The following NRXN3 variants were observed in gnomAD, a reference collection of about 807,000 sequenced individuals.
NRXN3 encodes neurexin III.
A neutral mutation model predicts 137.6 loss-of-function variants in NRXN3; 32 were observed. The ratio of observed to expected loss-of-function variants is 0.23; its 90% CI spans 0.18 to 0.31. NRXN3 has a LOEUF of 0.31. NRXN3 is among the 10% of genes least tolerant of loss of function. NRXN3 has a pLI of 1.00. For missense variants in NRXN3, 1,574 were observed against 2,062.5 expected (o/e 0.76, Z 4.59); for synonymous variants, 798 against 784.5 (o/e 1.02, Z -0.29).
chr14:79,769,081 T>C (rs1462193665), intron 19 of NRXN3, among the ~76,000 whole-genome samples: 2 of 151,808 alleles, frequency 1.3e-5, no homozygotes, highest in Admixed American at 1.3e-4. Context: ...GAAAAAAGAA[T>C]AAAAGGAAAC....
intron 4 of NRXN3, among the ~76,000 whole-genome samples, chr14:78,317,069 A>G (rs2078791013): frequency 6.6e-6 from 1 of 152,194 alleles, no homozygotes; most frequent in East Asian, 1.9e-4. Context: ...TGCAAACTGG[A>G]GAGGAAGCCA....
chr14:78,979,736 G>T (rs1178427274), intron 14 of NRXN3, among the ~76,000 whole-genome samples: 1 of 152,148 alleles, frequency 6.6e-6, no homozygotes, highest in East Asian at 1.9e-4. Context: ...GGCTGGGCAG[G>T]CCTCACAATC....
intron 15 of NRXN3, among the ~76,000 whole-genome samples, chr14:79,086,890 C>T (rs1290328837): frequency 1.3e-5 from 2 of 152,138 alleles, no homozygotes; most frequent in African/African-American, 2.4e-5. Context: ...GCTTTTAAAA[C>T]ATTTGAATGG....
At chr14:78,671,572 A>T (rs2097935738) in intron 6 of NRXN3, among the ~76,000 whole-genome samples, 1 of 152,206 alleles carries the variant, frequency 6.6e-6, no homozygotes, top group African/African-American at 2.4e-5. Context: ...AAGTATAAAA[A>T]TAAGTAAATA....
At chr14:78,587,190 G>C (rs1047054249) in intron 4 of NRXN3, among the ~76,000 whole-genome samples, 5 of 152,122 alleles carry the variant, frequency 3.3e-5, no homozygotes, top group African/African-American at 1.2e-4. Context: ...TTGTTCTTTG[G>C]GAATGTCATA....
chr14:78,374,671 G>A (rs1418011148), intron 4 of NRXN3, among the ~76,000 whole-genome samples: 1 of 151,632 alleles, frequency 6.6e-6, no homozygotes, highest in Non-Finnish European at 1.5e-5. Context: ...TGGAGAGGCT[G>A]AGGCAGGAGA....
At chr14:78,661,278 T>C (rs371351464) in intron 6 of NRXN3, among the ~76,000 whole-genome samples, 2 of 152,328 alleles carry the variant, frequency 1.3e-5, no homozygotes, top group South Asian at 2.1e-4. Context: ...ATTCACATAC[T>C]CATTCAGTAG....
At chr14:78,277,301 C>G (rs987066617) in intron 2 of NRXN3, among the ~76,000 whole-genome samples, 2 of 152,284 alleles carry the variant, frequency 1.3e-5, no homozygotes, top group Admixed American at 6.5e-5. Context: ...AGAGAATAAA[C>G]CATGACCCAC....
intron 10 of NRXN3, among the ~76,000 whole-genome samples, chr14:78,929,835 T>C (rs2099316703): frequency 6.6e-6 from 1 of 152,218 alleles, no homozygotes; most frequent in African/African-American, 2.4e-5. Context: ...TTACAGTTTT[T>C]AAATTAAGGA....
chr14:79,843,226 A>T (rs1221236155), intron 20 of NRXN3, among the ~76,000 whole-genome samples: 3 of 152,180 alleles, frequency 2.0e-5, no homozygotes, highest in Admixed American at 2.0e-4. Context: ...AGTCACATGA[A>T]TTTCTTGGTT....
chr14:79,601,823 C>G (rs541832388), intron 16 of NRXN3, among the ~76,000 whole-genome samples: 3 of 152,290 alleles, frequency 2.0e-5, no homozygotes, highest in South Asian at 2.1e-4. Flanking sequence ...TCAGGCAAGA[C>G]TGACACTAAT....
chr14:78,631,664 C>T (rs188446455), intron 4 of NRXN3, among the ~76,000 whole-genome samples: 1 of 152,286 alleles, frequency 6.6e-6, no homozygotes, highest in East Asian at 1.9e-4. Flanking sequence ...ATCAACTAAC[C>T]ATTTCCCTTT....
chr14:79,419,003 G>A (rs907893391), intron 15 of NRXN3, among the ~76,000 whole-genome samples: 3 of 152,180 alleles, frequency 2.0e-5, no homozygotes, highest in African/African-American at 7.2e-5. Flanking sequence ...CAGTAGGGCA[G>A]GCATGGATGA....
At chr14:79,361,603 G>A (rs2093683596) in intron 15 of NRXN3, among the ~76,000 whole-genome samples, 1 of 152,120 alleles carries the variant, frequency 6.6e-6, no homozygotes, top group South Asian at 2.1e-4. Flanking sequence ...TGTAATCACA[G>A]CTACTTGAGA....
chr14:79,769,232 A>G (rs1396888736), intron 19 of NRXN3, among the ~76,000 whole-genome samples: 2 of 149,968 alleles, frequency 1.3e-5, no homozygotes, highest in African/African-American at 4.9e-5. Flanking sequence ...TCCCCAATCT[A>G]GCAAGGCAGG....
chr14:79,650,954 A>G (rs566645481), intron 16 of NRXN3, among the ~76,000 whole-genome samples: 1 of 152,326 alleles, frequency 6.6e-6, no homozygotes, highest in East Asian at 1.9e-4. Context: ...AAATCACTGC[A>G]TTACAGAATA....
chr14:79,023,762 C>G (rs114788940), intron 15 of NRXN3, among the ~76,000 whole-genome samples: 2,642 of 152,128 alleles, frequency 0.017, 87 homozygotes, highest in African/African-American at 0.061. Flanking sequence ...CTCACTGTCA[C>G]AAGAACAGCA....
At chr14:79,021,149 A>G (rs559494559) in intron 15 of NRXN3, among the ~76,000 whole-genome samples, 2 of 152,310 alleles carry the variant, frequency 1.3e-5, no homozygotes, top group South Asian at 2.1e-4. Flanking sequence ...CTATGTTATC[A>G]TATTGAAAAT....
chr14:78,371,017 A>G (rs1351738122), intron 4 of NRXN3, among the ~76,000 whole-genome samples: 1 of 152,236 alleles, frequency 6.6e-6, no homozygotes, highest in Non-Finnish European at 1.5e-5. Context: ...ATTTACCAAA[A>G]TGATGAATAC....
Sources: allele counts gnomAD v4.1 joint callset (sites outside exome capture counted in the v4.1 genomes callset), GRCh38; gene constraint gnomAD v4.1.1; transcripts MANE v1.5; gene names NCBI Gene and HGNC (gene_info 2026-07-23, HGNC 2026-07-21).